Variants in PADI1 observed in about 807,000 individuals in gnomAD.
The protein encoded by PADI1 is protein-arginine deiminase type-1.
In PADI1, 65 loss-of-function variants were observed where a neutral mutation model predicts 74.8. The ratio of observed to expected loss-of-function variants is 0.87; its 90% CI spans 0.71 to 1.07. The LOEUF is 1.07. Among genes scored for constraint, PADI1 ranks in the 50% least tolerant of loss-of-function variants. The pLI, the probability that PADI1 is intolerant of heterozygous loss-of-function variation, is 0.00. For synonymous variants in PADI1, 371 were observed against 336.2 expected (o/e 1.10, Z -1.13); for missense variants, 943 against 854.0 (o/e 1.10, Z -1.30).
chr1:17,221,927 C>G (rs1190004665), intron 1 of PADI1, among the ~76,000 whole-genome samples: 1 of 152,202 alleles, frequency 6.6e-6, no homozygotes. Flanking sequence ...CTGGGTGGGA[C>G]CACGGACCCA....
rs552771159 is a variant in PADI1 at position 17,221,490 on chromosome 1, T to A, written c.93-800T>A. Among the ~76,000 whole-genome samples the A allele has an allele frequency of 1.2e-4, 15 of 121,686 alleles. No homozygotes were observed. In the South Asian group the frequency reaches 2.7e-3, roughly 22 times the overall value. The allele number at this position is 121,686 out of a possible 152,430, so 79.8% of individuals were successfully genotyped here. On this transcript the variant is annotated intron_variant, in intron 1 of 15. Transcript: ENST00000375471. ...TCTCAAGAAAAAAAAAAAAAAAGAA[T>A]CAGAGCAGGGGAAGGGAGATGGGGG... is the stretch of plus-strand genomic sequence containing the variant.
At chr1:17,226,969 T>C (rs1452449168) in intron 6 of PADI1, among the ~76,000 whole-genome samples, 1 of 151,458 alleles carries the variant, frequency 6.6e-6, no homozygotes, top group Non-Finnish European at 1.5e-5. Context: ...GAGGTGGAGC[T>C]TGCAGTGAGC....
chr1:17,226,232 T>G, intron 6 of PADI1, 74 bp downstream of exon 6: 1 of 1,522,852 alleles, frequency 6.6e-7, no homozygotes, highest in African/African-American at 1.4e-5. Context: ...CTCTCTCTCT[T>G]TTTTTCCATC....
chr1:17,224,488 C>T lies in PADI1; in HGVS notation c.408+60C>T, dbSNP rs541200783. On this transcript the variant is annotated intron_variant, in intron 4 of 15. Coordinates refer to ENST00000375471, the MANE Select transcript of PADI1 (RefSeq NM_013358.3). ...TTGAAAGGCAAACTTGGGGTGGTCC[C>T]GGGTGGATTGTGCCCTCCCTCCAGA... 2.3e-5 allele frequency: 30 copies of T among 1,302,740 alleles called. No individual in the cohort carries two copies. The East Asian group carries it at 2.7e-4, about 12-fold the overall frequency. The allele number at this position is 1,302,740 out of a possible 1,614,324, so 80.7% of individuals were successfully genotyped here. A position where few individuals can be genotyped will look rare whatever the true frequency, so the allele number is the denominator to read the frequency against.
chr1:17,244,146 A>G lies in PADI1; in HGVS notation c.1895A>G (p.Asp632Gly). 1 of 1,614,182 alleles carries G rather than the reference A, an allele frequency of 6.2e-7. No individual in the cohort carries two copies. Among genetic ancestry groups the G allele is most frequent in the Non-Finnish European group, 8.5e-7 (1 of 1,180,022 alleles). The change falls in exon 16 of 16, where the codon GAC becomes GGC. Residue 632 changes from aspartate to glycine, a missense_variant. Physicochemically the swap from Asp to Gly is moderately conservative, Grantham distance 94. Transcript: ENST00000375471. ...GGCCTGCACTGCATCTTCATTGATGACTACTTGTCCTACCACGAGCTGCAG... is the reference window on the plus strand; with the variant it reads ...GGCCTGCACTGCATCTTCATTGATGGCTACTTGTCCTACCACGAGCTGCAG... ...PLGLHCIFIDDYLSYHELQGE... is the reference protein window; with the variant it reads ...PLGLHCIFIDGYLSYHELQGE...
intron 4 of PADI1, among the ~76,000 whole-genome samples, chr1:17,225,287 C>T (rs922422653): frequency 6.6e-6 from 1 of 152,198 alleles, no homozygotes; most frequent in African/African-American, 2.4e-5. Flanking sequence ...GGGACAGCAG[C>T]AACCACAGAG....
Position 17,222,230 on chromosome 1 carries a change from G to A in PADI1, c.93-60G>A, listed in dbSNP as rs373179447. On this transcript the variant is annotated intron_variant, in intron 1 of 15. Coordinates refer to ENST00000375471, the MANE Select transcript of PADI1 (RefSeq NM_013358.3). ...AGCCCCAAGCCCCCACCCCACTGTG[G>A]CCACTCCCCTGAAGAGAGATGGGAA... The A allele has an allele frequency of 9.1e-6, 12 of 1,317,546 alleles. No homozygotes were observed. The African/African-American group carries it at 1.8e-4, about 19-fold the overall frequency. 81.6% of individuals were successfully genotyped at this position (1,317,546 alleles called of 1,614,324 possible).
Position 17,225,845 on chromosome 1 carries a change from C to T in PADI1, c.443C>T (p.Ala148Val), listed in dbSNP as rs1270041081. ...TWRWGPEGYG[A>V]ILLVNCDRDN... ...CGCTGGGGCCCTGAGGGCTATGGGGCTATCTTGCTGGTGAACTGTGACCGG... is the reference window on the plus strand; with the variant it reads ...CGCTGGGGCCCTGAGGGCTATGGGGTTATCTTGCTGGTGAACTGTGACCGG... The change falls in exon 5 of 16, where the codon GCT becomes GTT. Residue 148 changes from alanine to valine, a missense_variant. Physicochemically the swap from Ala to Val is moderately conservative, Grantham distance 64. Transcript: ENST00000375471. The T allele has an allele frequency of 1.2e-6, 2 of 1,614,142 alleles. No homozygotes were observed. Among genetic ancestry groups the T allele is most frequent in the Non-Finnish European group, 1.7e-6 (2 of 1,180,008 alleles).
At chr1:17,221,137 A>G (rs2072137610) in intron 1 of PADI1, among the ~76,000 whole-genome samples, 2 of 152,128 alleles carry the variant, frequency 1.3e-5, no homozygotes, top group African/African-American at 4.8e-5. Context: ...GGGTGCTGGC[A>G]TTAGTCAAGT....
chr1:17,215,946 T>A (rs2100419708), intron 1 of PADI1, among the ~76,000 whole-genome samples: 1 of 152,232 alleles, frequency 6.6e-6, no homozygotes, highest in African/African-American at 2.4e-5. Flanking sequence ...AGACTCATGG[T>A]GTCATTTGTG....
chr1:17,233,749 G>C (rs191462963), intron 11 of PADI1, among the ~76,000 whole-genome samples: 10 of 152,336 alleles, frequency 6.6e-5, no homozygotes, highest in Middle Eastern at 3.4e-3. Flanking sequence ...TACCCCCCAA[G>C]CCCTGGCTGA....
chr1:17,244,342 T>A lies in PADI1; in HGVS notation c.*99T>A, dbSNP rs2072840051. The A allele has an allele frequency of 2.2e-6, 2 of 891,492 alleles. No individual in the cohort carries two copies. Among genetic ancestry groups the A allele is most frequent in the South Asian group, 1.4e-5 (1 of 73,330 alleles). 55.2% of individuals were successfully genotyped at this position (891,492 alleles called of 1,614,324 possible). A position where few individuals can be genotyped will look rare whatever the true frequency, so the allele number is the denominator to read the frequency against. ...CCTGGCCTCCATTCTCTTGGGGGAG[T>A]CTTGGCACTTTGCAAACATCCTGGC... On this transcript the variant is annotated 3_prime_UTR_variant, in exon 16 of 16. Transcript: ENST00000375471.
Position 17,225,897 on chromosome 1 carries a change from C to A in PADI1, c.495C>A (p.Asp165Glu). The change falls in exon 5 of 16, where the codon GAC becomes GAA. Residue 165 changes from aspartate to glutamate, a missense_variant. Physicochemically the swap from Asp to Glu is conservative, Grantham distance 45 (BLOSUM62 2). Coordinates refer to ENST00000375471, the MANE Select transcript of PADI1 (RefSeq NM_013358.3). ...DRDNHRSAEP[D>E]LTHSWLMSLA... The stretch of plus-strand genomic sequence containing the variant: ...ACAATCACAGGTCCGCAGAGCCTGA[C>A]CTCACCCACAGCTGGCTGATGTCGC... The A allele has an allele frequency of 3.1e-6, 5 of 1,614,048 alleles. No homozygotes were observed. The highest frequency in any genetic ancestry group is 4.2e-6 in the Non-Finnish European group (5 of 1,179,990).
chr1:17,235,146 AGGG>A (rs2072598262), intron 11 of PADI1, among the ~76,000 whole-genome samples: 1 of 132,694 alleles, frequency 7.5e-6, no homozygotes, highest in African/African-American at 2.8e-5. Flanking sequence ...GAAAGAAGGA[AGGG>A]AGGGAGGGAG....
chr1:17,206,525 C>T (rs1362578195), intron 1 of PADI1, among the ~76,000 whole-genome samples: 1 of 152,246 alleles, frequency 6.6e-6, no homozygotes, highest in East Asian at 1.9e-4. Flanking sequence ...GCCCTGTTAA[C>T]ATAGGCTTGC....
intron 10 of PADI1, 101 bp from the exon 11 acceptor site, chr1:17,232,718 T>G (rs1229254031): frequency 2.0e-6 from 2 of 997,410 alleles, no homozygotes; most frequent in African/African-American, 1.7e-5. Context: ...AGCCATGGAG[T>G]GGGAGACCCC....
chr1:17,223,688 G>A lies in PADI1; in HGVS notation c.341G>A (p.Gly114Asp). The A allele has an allele frequency of 6.2e-7, 1 of 1,613,810 alleles. No individual in the cohort carries two copies. Among genetic ancestry groups the A allele is most frequent in the South Asian group, 1.1e-5 (1 of 91,072 alleles). ...GGCCGCAGCGTGCTTTACCTCACTG[G>A]CGTCGGTAAGTAGCAGCTCCCTGGC... Reference protein sequence around the residue: ...ALGRSVLYLTGVDISLEVDTG... With the variant: ...ALGRSVLYLTDVDISLEVDTG... Residue 114 changes from glycine (G) to aspartate (D), a missense_variant, in exon 3 of 16, where the codon GGC becomes GAC. Physicochemically the swap from Gly to Asp is moderately conservative, Grantham distance 94 (BLOSUM62 -1). Coordinates refer to ENST00000375471, the MANE Select transcript of PADI1 (RefSeq NM_013358.3).
intron 9 of PADI1, 151 bp downstream of exon 9, chr1:17,230,359 C>G (rs2072453994): frequency 1.0e-6 from 1 of 973,956 alleles, no homozygotes; most frequent in Non-Finnish European, 1.5e-6. Context: ...CTGCATCAGC[C>G]CCAGCCTCCA....
intron 1 of PADI1, among the ~76,000 whole-genome samples, chr1:17,205,806 C>T (rs1022154864): frequency 6.6e-6 from 1 of 152,152 alleles, no homozygotes; most frequent in African/African-American, 2.4e-5. Context: ...TTAGGAAATA[C>T]TCGATGAATT....
Sources: gnomAD v4.1 joint callset for allele counts (sites outside exome capture counted in the v4.1 genomes callset) on GRCh38, gnomAD v4.1.1 for gene constraint, MANE v1.5 for transcripts, NCBI Gene and HGNC (gene_info 2026-07-23, HGNC 2026-07-21) for gene names.